The following CFAP299 variants were observed in gnomAD, a reference collection of about 807,000 sequenced individuals.
The protein encoded by CFAP299 is cilia and flagella associated protein 299.
A neutral mutation model predicts 27.0 loss-of-function variants in CFAP299; 21 were observed. The ratio of observed to expected loss-of-function variants is 0.78; its 90% CI spans 0.55 to 1.12. The LOEUF (loss-of-function observed/expected upper bound fraction) is 1.12. CFAP299 is among the 50% of genes most tolerant of loss of function. The probability of loss-of-function intolerance (pLI) is 0.00; values close to 1 mark genes in which losing one functional copy is unlikely to be tolerated. For synonymous variants in CFAP299, 104 were observed against 98.1 expected, an observed-to-expected ratio of 1.06 and a Z score of -0.36; for missense variants, 310 against 276.6, an observed-to-expected ratio of 1.12 and a Z score of -0.86.
intron 3 of CFAP299, among the ~76,000 whole-genome samples, chr4:80,767,133 TTGTA>T (rs958477138): frequency 2.6e-5 from 4 of 152,054 alleles, no homozygotes; most frequent in Non-Finnish European, 5.9e-5. Context: ...AATACATACA[TTGTA>T]TGTATTTTCC....
chr4:80,478,602 T>G (rs1730398684), intron 2 of CFAP299, among the ~76,000 whole-genome samples: 1 of 152,076 alleles, frequency 6.6e-6, no homozygotes, highest in Non-Finnish European at 1.5e-5. Context: ...GACATAATTT[T>G]TCAGTTCTAA....
intron 2 of CFAP299, among the ~76,000 whole-genome samples, chr4:80,413,111 C>A (rs1030136064): frequency 6.6e-6 from 1 of 150,782 alleles, no homozygotes; most frequent in Non-Finnish European, 1.5e-5. Flanking sequence ...TGTTTGTATC[C>A]CAAAGCCACC....
Position 80,461,760 on chromosome 4 carries a change from A to G in CFAP299, c.242+98876A>G, listed in dbSNP as rs150431107. Among the ~76,000 whole-genome samples the G allele has an allele frequency of 2.5e-3, 388 of 152,230 alleles. 3 individuals carry two copies. Among genetic ancestry groups the G allele is most frequent in the African/African-American group, 9.0e-3 (375 of 41,528 alleles). On this transcript the variant is annotated intron_variant, in intron 2 of 5. Coordinates refer to ENST00000358105, the MANE Select transcript of CFAP299 (RefSeq NM_152770.3). ...CAGTTATATTCAGGGATCATCCTGT[A>G]TTTCATAATGCTTCATTTTCTCATT...
At chr4:80,824,493 C>A (rs899955215) in intron 3 of CFAP299, among the ~76,000 whole-genome samples, 2 of 152,116 alleles carry the variant, frequency 1.3e-5, no homozygotes, top group African/African-American at 4.8e-5. Flanking sequence ...GTAAGCTCCT[C>A]CCCCTCTGAC....
At chr4:80,393,069 C>T (rs1725577132) in intron 2 of CFAP299, among the ~76,000 whole-genome samples, 1 of 152,014 alleles carries the variant, frequency 6.6e-6, no homozygotes, top group Non-Finnish European at 1.5e-5. Flanking sequence ...ATGATCCTGA[C>T]CCTGTGTAGG....
chr4:80,883,715 G>A (rs903991855), intron 4 of CFAP299, among the ~76,000 whole-genome samples: 1 of 152,064 alleles, frequency 6.6e-6, no homozygotes, highest in Non-Finnish European at 1.5e-5. Flanking sequence ...TGATACAGAA[G>A]CGAATTAAGA....
chr4:80,782,859 C>G (rs181467842), intron 3 of CFAP299, among the ~76,000 whole-genome samples: 1 of 150,904 alleles, frequency 6.6e-6, no homozygotes, highest in Admixed American at 6.7e-5. Context: ...ATCAGTGTAT[C>G]CATATCCCAG....
At chr4:80,518,292 G>A (rs1034550966) in intron 2 of CFAP299, among the ~76,000 whole-genome samples, 1 of 152,138 alleles carries the variant, frequency 6.6e-6, no homozygotes, top group Non-Finnish European at 1.5e-5. Context: ...GAGGGATAGA[G>A]TGGATAGCCA....
chr4:80,800,293 A>G (rs1393593124), intron 3 of CFAP299, among the ~76,000 whole-genome samples: 1 of 74,584 alleles, frequency 1.3e-5, no homozygotes, highest in African/African-American at 5.7e-5. Context: ...TAATATATTA[A>G]TATATATAAT....
At chr4:80,355,942 T>C (rs1183842748) in intron 1 of CFAP299, among the ~76,000 whole-genome samples, 1 of 152,174 alleles carries the variant, frequency 6.6e-6, no homozygotes, top group African/African-American at 2.4e-5. Flanking sequence ...ATTGCCTAGA[T>C]TTTCTTCTAG....
chr4:80,354,768 T>C (rs1327873488), intron 1 of CFAP299, among the ~76,000 whole-genome samples: 3 of 152,102 alleles, frequency 2.0e-5, no homozygotes, highest in African/African-American at 7.2e-5. Flanking sequence ...TAATAACATG[T>C]GGTATTTGAT....
At chr4:80,374,671 C>A (rs1283867184) in intron 2 of CFAP299, among the ~76,000 whole-genome samples, 2 of 152,098 alleles carry the variant, frequency 1.3e-5, no homozygotes, top group Non-Finnish European at 2.9e-5. Context: ...ATTTGACTGC[C>A]TTTGGAACTC....
At chr4:80,495,924 G>A (rs1731414760) in intron 2 of CFAP299, among the ~76,000 whole-genome samples, 1 of 152,200 alleles carries the variant, frequency 6.6e-6, no homozygotes, top group Admixed American at 6.5e-5. Context: ...GCATGAATGG[G>A]ACAGTGTCCC....
At chr4:80,780,056 C>T (rs910006291) in intron 3 of CFAP299, among the ~76,000 whole-genome samples, 1 of 151,948 alleles carries the variant, frequency 6.6e-6, no homozygotes, top group African/African-American at 2.4e-5. Context: ...TATTCCTACT[C>T]TTATTGCCAC....
chr4:80,692,224 C>A (rs1234783601), intron 3 of CFAP299, among the ~76,000 whole-genome samples: 1 of 152,132 alleles, frequency 6.6e-6, no homozygotes, highest in Non-Finnish European at 1.5e-5. Context: ...CAAAAAAGAG[C>A]CCGCATCACC....
At chr4:80,797,772 T>C (rs1727954214) in intron 3 of CFAP299, among the ~76,000 whole-genome samples, 1 of 152,102 alleles carries the variant, frequency 6.6e-6, no homozygotes, top group Non-Finnish European at 1.5e-5. Context: ...CCAGCTGGGA[T>C]GAGCAGGTGT....
chr4:80,490,318 C>T (rs1731050663), intron 2 of CFAP299, among the ~76,000 whole-genome samples: 1 of 152,156 alleles, frequency 6.6e-6, no homozygotes, highest in Non-Finnish European at 1.5e-5. Context: ...AAATGTATGT[C>T]ACCAAAAAAT....
At chr4:80,755,580 A>T (rs1420577127) in intron 3 of CFAP299, among the ~76,000 whole-genome samples, 1 of 152,106 alleles carries the variant, frequency 6.6e-6, no homozygotes, top group African/African-American at 2.4e-5. Flanking sequence ...GTGACCGTTG[A>T]ACTTGAGGGG....
chr4:80,467,191 G>A (rs926752698), intron 2 of CFAP299, among the ~76,000 whole-genome samples: 6 of 152,160 alleles, frequency 3.9e-5, no homozygotes, highest in African/African-American at 1.4e-4. Flanking sequence ...TCTGCTAGCA[G>A]CTTGAAATTG....
Sources: allele counts gnomAD v4.1 joint callset (sites outside exome capture counted in the v4.1 genomes callset), GRCh38; gene constraint gnomAD v4.1.1; transcripts MANE v1.5; gene names NCBI Gene and HGNC (gene_info 2026-07-23, HGNC 2026-07-21).